The following CCDC13 variants were observed in gnomAD, a reference collection of about 807,000 sequenced individuals.
CCDC13 encodes coiled-coil domain containing 13.
Under a neutral mutation model 87.3 loss-of-function variants are expected in CCDC13, and 70 were observed. The observed-to-expected ratio is 0.80, with a 90% CI of 0.66 to 0.98. The LOEUF (loss-of-function observed/expected upper bound fraction) is 0.98. Among genes scored for constraint, CCDC13 ranks in the 50% least tolerant of loss-of-function variants. CCDC13 has a pLI of 0.00. For missense variants in CCDC13, 842 were observed against 892.0 expected, an observed-to-expected ratio of 0.94 and a Z score of 0.71; for synonymous variants, 317 against 360.3, an observed-to-expected ratio of 0.88 and a Z score of 1.36.
At chr3:42,769,560 G>A (rs577709898) in intron 1 of CCDC13, among the ~76,000 whole-genome samples, 2 of 146,928 alleles carry the variant, frequency 1.4e-5, no homozygotes, top group East Asian at 1.9e-4. Context: ...GGCAGCCCTC[G>A]CAGCCCTCGC....
Position 42,707,985 on chromosome 3 carries a change from C to T in CCDC13, c.*995G>A, listed in dbSNP as rs1036484688. Among the ~76,000 whole-genome samples the T allele has an allele frequency of 1.3e-5, 2 of 152,160 alleles. No individual in the cohort carries two copies. Among genetic ancestry groups the T allele is most frequent in the Non-Finnish European group, 2.9e-5 (2 of 67,998 alleles). Reference sequence around the variant, plus strand: ...GCCTGCGGATCTTAGGGTGCCCCTGCAGCATCCCTCCAAGTTCACCATGGC... The same window carrying T: ...GCCTGCGGATCTTAGGGTGCCCCTGTAGCATCCCTCCAAGTTCACCATGGC... On this transcript the variant is annotated 3_prime_UTR_variant, in exon 16 of 16. Coordinates refer to ENST00000310232, the MANE Select transcript of CCDC13 (RefSeq NM_144719.4).
chr3:42,742,014 G>A (rs1330267534), intron 8 of CCDC13, among the ~76,000 whole-genome samples: 2 of 152,230 alleles, frequency 1.3e-5, no homozygotes, highest in Non-Finnish European at 2.9e-5. Flanking sequence ...GGGCCACTAC[G>A]TGGGCCTGTT....
chr3:42,752,935 A>G (rs914919664), intron 3 of CCDC13, among the ~76,000 whole-genome samples: 1 of 152,338 alleles, frequency 6.6e-6, no homozygotes, highest in Non-Finnish European at 1.5e-5. Flanking sequence ...AGTATGTTCT[A>G]GGAAAATGAT....
At chr3:42,753,125 G>T (rs561911473) in intron 3 of CCDC13, among the ~76,000 whole-genome samples, 1 of 152,226 alleles carries the variant, frequency 6.6e-6, no homozygotes, top group Admixed American at 6.5e-5. Context: ...GGCTTGCTTT[G>T]GCCAATAGCA....
intron 13 of CCDC13, among the ~76,000 whole-genome samples, chr3:42,726,230 T>G (rs1698685189): frequency 1.3e-5 from 2 of 152,096 alleles, no homozygotes; most frequent in Non-Finnish European, 2.9e-5. Flanking sequence ...TTAGTAGAGA[T>G]GGGGTTTCAC....
At chr3:42,749,451 T>C (rs1699514718) in intron 5 of CCDC13, among the ~76,000 whole-genome samples, 1 of 152,258 alleles carries the variant, frequency 6.6e-6, no homozygotes. Context: ...GGATATGTAA[T>C]GCCAATCTCC....
In CCDC13 at chr3:42,757,307, C is replaced by T. The variant is rs532255622; in HGVS notation, c.222-93G>A. ...CACTGCCTAGGTGGACAGATGGACA[C>T]GCAGATGCAGACACACTGACGTGAA... On this transcript the variant is annotated intron_variant, in intron 2 of 15. Transcript: ENST00000310232. The T allele has an allele frequency of 2.0e-5, 24 of 1,222,426 alleles. No homozygotes were observed. In the East Asian group the frequency reaches 5.1e-4, roughly 26 times the overall value. The allele number at this position is 1,222,426 out of a possible 1,614,324, so 75.7% of individuals were successfully genotyped here.
intron 1 of CCDC13, among the ~76,000 whole-genome samples, chr3:42,772,887 G>A (rs979367735): frequency 2.0e-5 from 3 of 152,200 alleles, no homozygotes; most frequent in Non-Finnish European, 4.4e-5. Flanking sequence ...TTCGAGTTCT[G>A]ACTGTGCCAT....
intron 13 of CCDC13, 25 bp from the exon 14 acceptor site, chr3:42,713,341 C>G: frequency 6.2e-7 from 1 of 1,610,972 alleles, no homozygotes; most frequent in Non-Finnish European, 8.5e-7. Context: ...GGAGGGGATG[C>G]TACATGCCCT....
At chr3:42,771,430 T>C (rs1700102939) in intron 1 of CCDC13, among the ~76,000 whole-genome samples, 2 of 152,244 alleles carry the variant, frequency 1.3e-5, no homozygotes, top group South Asian at 4.1e-4. Context: ...ATTACACATT[T>C]AGCAAAACTT....
chr3:42,747,496 A>G (rs2125900886), intron 5 of CCDC13, 123 bp from the exon 6 acceptor site: 2 of 721,338 alleles, frequency 2.8e-6, no homozygotes, highest in East Asian at 5.0e-5. Context: ...GGAAGAACTC[A>G]TTTAATCCTC....
chr3:42,711,246 C>CAAAAAAAAAAAAAAAAAAAAAAAAAAAAA (rs1174084143), intron 14 of CCDC13, among the ~76,000 whole-genome samples: 1 of 75,328 alleles, frequency 1.3e-5, no homozygotes, highest in Admixed American at 1.6e-4. Context: ...ACTCTGTCTC[C>CAAAAAAAAAAAAAAAAAAAAAAAAAAAAA]AAAAAAAAAA....
intron 2 of CCDC13, 74 bp downstream of exon 2, chr3:42,758,051 A>C: frequency 8.1e-7 from 1 of 1,234,442 alleles, no homozygotes. Context: ...GTTTTGCTAT[A>C]GCTCCGGTGG....
In CCDC13 at chr3:42,718,923, C is replaced by T. The variant is rs561951087; in HGVS notation, c.1719-5607G>A. ...AGGCCCAACTTAGGGGAGTTAGCAT[C>T]TCTCCTAAGACAAAGTGGGTCAGAG... On this transcript the variant is annotated intron_variant, in intron 13 of 15. Transcript: ENST00000310232. The T allele has an allele frequency of 2.0e-5, 3 of 152,176 alleles. No individual in the cohort carries two copies. In the South Asian group the frequency reaches 6.2e-4, roughly 32 times the overall value. The allele number at this position is 152,176 out of a possible 1,614,324, so 9.4% of individuals were successfully genotyped here.
chr3:42,715,355 C>T (rs112516436), intron 13 of CCDC13, among the ~76,000 whole-genome samples: 3,102 of 151,634 alleles, frequency 0.02, 98 homozygotes, highest in African/African-American at 0.071. Flanking sequence ...CGATGGCTCA[C>T]GCCTGTGCTT....
intron 13 of CCDC13, among the ~76,000 whole-genome samples, chr3:42,722,791 CTTTTTTTTTTTT>C (rs956889825): frequency 5.0e-4 from 55 of 109,102 alleles, no homozygotes; most frequent in African/African-American, 2.0e-3. Flanking sequence ...TATTCCTTTA[CTTTTTTTTTTTT>C]TTTTTTTTTT....
intron 1 of CCDC13, 122 bp from the exon 2 acceptor site, chr3:42,758,473 G>GC (rs1699759391): frequency 5.6e-6 from 5 of 898,548 alleles, no homozygotes; most frequent in Non-Finnish European, 8.3e-6. Flanking sequence ...GTATGTCCAC[G>GC]CAGAAGCTTG....
At position 42,749,666 on chromosome 3, in the gene CCDC13, A is replaced by G. The variant is rs964416297; in HGVS notation, c.603+2270T>C. The G allele has an allele frequency of 3.1e-5, 11 of 350,320 alleles. No homozygotes were observed. In the Admixed American group the frequency reaches 3.8e-4, roughly 12 times the overall value. 21.7% of individuals were successfully genotyped at this position (350,320 alleles called of 1,614,324 possible). On this transcript the variant is annotated intron_variant, in intron 5 of 15. Transcript: ENST00000310232. ...GTTGAGCTAATCCTACCTCTAAGCC[A>G]TTTCAGAGTTCTTTCTTCCCAGAGT...
At chr3:42,721,637 T>C (rs1006978674) in intron 13 of CCDC13, among the ~76,000 whole-genome samples, 1 of 152,260 alleles carries the variant, frequency 6.6e-6, no homozygotes, top group Non-Finnish European at 1.5e-5. Flanking sequence ...TTCTCCACAA[T>C]TTGGAAACTA....
Sources: gnomAD v4.1 joint callset for allele counts (sites outside exome capture counted in the v4.1 genomes callset) on GRCh38, gnomAD v4.1.1 for gene constraint, MANE v1.5 for transcripts, NCBI Gene and HGNC (gene_info 2026-07-23, HGNC 2026-07-21) for gene names.